Variants in ESRRB observed in about 807,000 individuals in gnomAD.
The protein encoded by ESRRB is estrogen related receptor beta, also known as steroid hormone receptor ERR2.
Under a neutral mutation model 46.0 loss-of-function variants are expected in ESRRB, and 16 were observed. That is an observed-to-expected ratio of 0.35 (90% CI 0.24 to 0.53). The LOEUF (loss-of-function observed/expected upper bound fraction) is 0.53. ESRRB is among the 20% of genes least tolerant of loss of function. The probability of loss-of-function intolerance (pLI) is 0.93; values close to 1 mark genes in which losing one functional copy is unlikely to be tolerated. For missense variants in ESRRB, 488 were observed against 607.4 expected (o/e 0.80, Z 2.07); for synonymous variants, 246 against 259.6 (o/e 0.95, Z 0.50).
At chr14:76,413,794 C>T (rs1439851493) in intron 1 of ESRRB, among the ~76,000 whole-genome samples, 4 of 151,778 alleles carry the variant, frequency 2.6e-5, no homozygotes, top group Non-Finnish European at 4.4e-5. Flanking sequence ...GTTTCATCCC[C>T]AGCCACATGC....
At chr14:76,469,971 A>T (rs1314815225) in intron 3 of ESRRB, among the ~76,000 whole-genome samples, 1 of 107,126 alleles carries the variant, frequency 9.3e-6, no homozygotes. Flanking sequence ...TTTTTGAGAC[A>T]GAGTCTTGCT....
Position 76,423,142 on chromosome 14 carries a change from C to CTTTTT in ESRRB, c.51-16182_51-16178dup, listed in dbSNP as rs397853103. ...GAAAAATGCATATATCTTTCATAAC[C>CTTTTT]TTTTTTTTTTTTTTTTTTTTTGAGA... On this transcript the variant is annotated intron_variant, in intron 1 of 6. Transcript: ENST00000644823. 7.1e-5 allele frequency among the ~76,000 whole-genome samples: 8 copies of CTTTTT among 112,794 alleles called. 1 individual carries two copies. Among genetic ancestry groups the CTTTTT allele is most frequent in the Non-Finnish European group, 1.1e-4 (6 of 56,436 alleles). The allele number at this position is 112,794 out of a possible 152,430, so 74.0% of individuals were successfully genotyped here.
At chr14:76,450,669 G>A (rs1468577180) in intron 2 of ESRRB, among the ~76,000 whole-genome samples, 4 of 152,180 alleles carry the variant, frequency 2.6e-5, no homozygotes. Context: ...ATGATTGATG[G>A]GTTATTCCAC....
intron 1 of ESRRB, among the ~76,000 whole-genome samples, chr14:76,328,154 G>A (rs1206118560): frequency 6.6e-6 from 1 of 152,190 alleles, no homozygotes; most frequent in East Asian, 1.9e-4. Flanking sequence ...GAGAAACTGA[G>A]GCCGGTGGTC....
At chr14:76,319,336 C>T (rs1320108323) in intron 1 of ESRRB, among the ~76,000 whole-genome samples, 1 of 152,190 alleles carries the variant, frequency 6.6e-6, no homozygotes, top group Non-Finnish European at 1.5e-5. Context: ...ATTTCTCATG[C>T]CTCTGAGGGG....
At chr14:76,328,130 C>G (rs1321818200) in intron 1 of ESRRB, among the ~76,000 whole-genome samples, 1 of 152,168 alleles carries the variant, frequency 6.6e-6, no homozygotes, top group African/African-American at 2.4e-5. Flanking sequence ...GAGTACTTCC[C>G]CATTTTATAG....
At chr14:76,353,793 G>C (rs902388541) in intron 1 of ESRRB, among the ~76,000 whole-genome samples, 1 of 151,726 alleles carries the variant, frequency 6.6e-6, no homozygotes, top group South Asian at 2.1e-4. Context: ...GTCTCACTAT[G>C]TTAGTTACAA....
In ESRRB at chr14:76,499,819, C is replaced by A; in HGVS notation, c.*1361C>A. ...TTCTGTGGATGGCCGTGAAAGTTTT[C>A]ACTAACTCAAGGGGCAGCCCTGAAC... is the stretch of plus-strand genomic sequence containing the variant. On this transcript the variant is annotated 3_prime_UTR_variant, in exon 7 of 7. Transcript: ENST00000644823. 6.5e-7 allele frequency: 1 copy of A among 1,548,914 alleles called. No homozygotes were observed. The highest frequency in any genetic ancestry group is 1.1e-5 in the South Asian group (1 of 89,656).
rs557790403 is a variant in ESRRB at position 76,469,373 on chromosome 14, G to A, written c.577+6712G>A. Reference sequence around the variant, plus strand: ...GCCTCCCCAAGTGCTGGGATTGCAGGAGTGAGCTACCATGCCCAACCCCTT... The same window carrying A: ...GCCTCCCCAAGTGCTGGGATTGCAGAAGTGAGCTACCATGCCCAACCCCTT... On this transcript the variant is annotated intron_variant, in intron 3 of 6. Transcript: ENST00000644823. 5.9e-5 allele frequency among the ~76,000 whole-genome samples: 9 copies of A among 152,164 alleles called. No homozygotes were observed. The South Asian group carries it at 1.2e-3, about 21-fold the overall frequency.
intron 2 of ESRRB, 123 bp from the exon 3 acceptor site, chr14:76,462,422 T>G (rs2139990960): frequency 6.9e-6 from 5 of 729,052 alleles, no homozygotes; most frequent in Middle Eastern, 3.7e-4. Flanking sequence ...GCACCTGCTT[T>G]GAGAACACTA....
intron 3 of ESRRB, among the ~76,000 whole-genome samples, chr14:76,467,126 A>G (rs1055767547): frequency 6.6e-6 from 1 of 152,210 alleles, no homozygotes; most frequent in African/African-American, 2.4e-5. Context: ...GACCTGGGAC[A>G]GATGGGACAG....
intron 3 of ESRRB, among the ~76,000 whole-genome samples, chr14:76,470,969 AT>A (rs1889355453): frequency 6.6e-6 from 1 of 152,218 alleles, no homozygotes; most frequent in East Asian, 1.9e-4. Flanking sequence ...TTCCCTAGAT[AT>A]TTTAGACCTG....
intron 1 of ESRRB, among the ~76,000 whole-genome samples, chr14:76,332,799 AT>A (rs1353055016): frequency 1.3e-4 from 1 of 7,718 alleles, no homozygotes; most frequent in African/African-American, 3.5e-4. Context: ...TAAATATATA[AT>A]ATATTTATAT....
chr14:76,344,484 A>G (rs552630295), intron 1 of ESRRB, among the ~76,000 whole-genome samples: 8 of 150,212 alleles, frequency 5.3e-5, no homozygotes, highest in Non-Finnish European at 1.2e-4. Context: ...TTGCATCCTC[A>G]TAGCTTAGAT....
At chr14:76,474,962 T>C (rs1889518651) in intron 3 of ESRRB, among the ~76,000 whole-genome samples, 1 of 148,184 alleles carries the variant, frequency 6.7e-6, no homozygotes, top group Non-Finnish European at 1.5e-5. Flanking sequence ...GGCACAGTGG[T>C]TCATACCTGT....
chr14:76,476,731 G>A (rs149464454), intron 3 of ESRRB, among the ~76,000 whole-genome samples: 215 of 151,306 alleles, frequency 1.4e-3, no homozygotes, highest in African/African-American at 3.3e-3. Context: ...CAGCCATGGC[G>A]GCAGGGGCGC....
chr14:76,317,624 C>T (rs1001735968), intron 1 of ESRRB, among the ~76,000 whole-genome samples: 25 of 152,106 alleles, frequency 1.6e-4, no homozygotes, highest in Admixed American at 1.6e-3. Flanking sequence ...TGGAAAGAGG[C>T]CCAGTGTTGG....
intron 2 of ESRRB, among the ~76,000 whole-genome samples, chr14:76,448,659 A>C (rs1269226996): frequency 6.6e-6 from 1 of 151,918 alleles, no homozygotes; most frequent in Non-Finnish European, 1.5e-5. Flanking sequence ...ATTTTCACTT[A>C]ACCCCATGTC....
intron 1 of ESRRB, among the ~76,000 whole-genome samples, chr14:76,428,962 G>A (rs1036784908): frequency 4.6e-5 from 7 of 152,242 alleles, no homozygotes; most frequent in African/African-American, 1.2e-4. Context: ...GGCAACTCTC[G>A]CTGAAGCCAC....
Sources: allele counts gnomAD v4.1 joint callset (sites outside exome capture counted in the v4.1 genomes callset), GRCh38; gene constraint gnomAD v4.1.1; transcripts MANE v1.5; gene names NCBI Gene and HGNC (gene_info 2026-07-23, HGNC 2026-07-21).